ATP6V1H: variants seen among roughly 807,000 people sequenced by gnomAD.
ATP6V1H encodes the protein ATPase H+ transporting V1 subunit H, also known as V-type proton ATPase subunit H.
A neutral mutation model predicts 71.7 loss-of-function variants in ATP6V1H; 39 were observed. The ratio of observed to expected loss-of-function variants is 0.54; its 90% confidence interval spans 0.42 to 0.71. The LOEUF (loss-of-function observed/expected upper bound fraction) is 0.71. Among genes scored for constraint, ATP6V1H ranks in the 30% least tolerant of loss-of-function variants. The pLI, the probability that ATP6V1H is intolerant of heterozygous loss-of-function variation, is 0.00. For missense variants in ATP6V1H, 509 were observed against 594.9 expected (o/e 0.86, Z 1.50); for synonymous variants, 192 against 199.3 (o/e 0.96, Z 0.31).
At chr8:53,811,538 G>GC (rs1181556375) in intron 6 of ATP6V1H, among the ~76,000 whole-genome samples, 2 of 152,166 alleles carry the variant, frequency 1.3e-5, no homozygotes, top group African/African-American at 4.8e-5. Flanking sequence ...TTACTGAATT[G>GC]TTTTTCCAGT....
intron 8 of ATP6V1H, among the ~76,000 whole-genome samples, chr8:53,799,310 T>C (rs2130427801): frequency 6.6e-6 from 1 of 152,244 alleles, no homozygotes; most frequent in Non-Finnish European, 1.5e-5. Flanking sequence ...AATCAAAGAC[T>C]AAAATAATAA....
At chr8:53,738,396 G>A (rs1289952667) in intron 13 of ATP6V1H, among the ~76,000 whole-genome samples, 1 of 152,010 alleles carries the variant, frequency 6.6e-6, no homozygotes, top group African/African-American at 2.4e-5. Context: ...ACCCACAGAA[G>A]GAAGAGAAAG....
chr8:53,807,603 C>T (rs568293584), intron 7 of ATP6V1H, among the ~76,000 whole-genome samples: 74 of 152,220 alleles, frequency 4.9e-4, no homozygotes, highest in African/African-American at 1.8e-3. Flanking sequence ...AGGCAAATCC[C>T]AAGACAGAAA....
At chr8:53,773,821 T>C (rs1284341960) in intron 9 of ATP6V1H, among the ~76,000 whole-genome samples, 3 of 152,040 alleles carry the variant, frequency 2.0e-5, no homozygotes, top group Non-Finnish European at 4.4e-5. Context: ...ACAAAAAACT[T>C]ATAAATTATT....
At chr8:53,833,151 A>C in intron 2 of ATP6V1H, 65 bp from the exon 3 acceptor site, 1 of 1,298,176 alleles carries the variant, frequency 7.7e-7, no homozygotes, top group South Asian at 1.2e-5. Context: ...CGATAGAGGA[A>C]TTTTCAGTCC....
chr8:53,729,357 C>A (rs73682555), intron 13 of ATP6V1H, among the ~76,000 whole-genome samples: 27,001 of 152,064 alleles, frequency 0.18, 4,011 homozygotes, highest in African/African-American at 0.39. Context: ...ACACCCACAC[C>A]CAAGAGGCTA....
intron 13 of ATP6V1H, among the ~76,000 whole-genome samples, chr8:53,727,982 G>A (rs557653876): frequency 1.3e-5 from 2 of 152,236 alleles, no homozygotes; most frequent in African/African-American, 4.8e-5. Context: ...TAAAAAAACT[G>A]GTCTTCTTTC....
At chr8:53,807,261 T>C (rs563123669) in intron 7 of ATP6V1H, among the ~76,000 whole-genome samples, 16 of 152,128 alleles carry the variant, frequency 1.1e-4, no homozygotes, top group African/African-American at 3.6e-4. Context: ...ATATTAGAAC[T>C]GCCAGAGAAA....
intron 4 of ATP6V1H, 110 bp from the exon 5 acceptor site, chr8:53,817,640 T>C (rs1208409213): frequency 3.2e-6 from 2 of 622,840 alleles, no homozygotes; most frequent in Non-Finnish European, 5.5e-6. Flanking sequence ...TTTTTCAGTG[T>C]GTGTGTATGT....
At chr8:53,795,886 A>C (rs755261132) in intron 8 of ATP6V1H, 47 bp from the exon 9 acceptor site, 1 of 1,512,534 alleles carries the variant, frequency 6.6e-7, no homozygotes, top group Non-Finnish European at 9.0e-7. Context: ...AACATTTAGA[A>C]AGAAGAAATA....
Position 53,743,723 on chromosome 8 carries a change from C to A in ATP6V1H, c.1278-33G>T, listed in dbSNP as rs758994291. The A allele has an allele frequency of 1.5e-5, 22 of 1,463,134 alleles. No individual in the cohort carries two copies. The Middle Eastern group carries it at 5.7e-4, about 38-fold the overall frequency. 90.6% of individuals were successfully genotyped at this position (1,463,134 alleles called of 1,614,324 possible). A position where few individuals can be genotyped will look rare whatever the true frequency, so the allele number is the denominator to read the frequency against. Reference sequence around the variant, plus strand: ...CGGGAGAGACGTGGTGAGGAAGATGCAATTACTCTCAAATTCACAGTTTGT... The same window carrying A: ...CGGGAGAGACGTGGTGAGGAAGATGAAATTACTCTCAAATTCACAGTTTGT... On this transcript the variant is annotated intron_variant, in intron 12 of 13. Coordinates refer to ENST00000359530, the MANE Select transcript of ATP6V1H (RefSeq NM_015941.4).
At chr8:53,771,076 T>G (rs980406863) in intron 10 of ATP6V1H, among the ~76,000 whole-genome samples, 1 of 152,214 alleles carries the variant, frequency 6.6e-6, no homozygotes, top group African/African-American at 2.4e-5. Flanking sequence ...GAGCACATAC[T>G]ATGCTGAAGG....
chr8:53,735,975 C>T (rs1807188516), intron 13 of ATP6V1H, among the ~76,000 whole-genome samples: 1 of 152,188 alleles, frequency 6.6e-6, no homozygotes, highest in Non-Finnish European at 1.5e-5. Context: ...GACTGCGCTG[C>T]TGAGGAAACA....
chr8:53,807,318 G>C (rs994010368), intron 7 of ATP6V1H, among the ~76,000 whole-genome samples: 1 of 151,956 alleles, frequency 6.6e-6, no homozygotes, highest in Non-Finnish European at 1.5e-5. Context: ...CTAAGTCCTA[G>C]GCCAAGTGTG....
At chr8:53,821,701 GA>G (rs200003459) in intron 4 of ATP6V1H, among the ~76,000 whole-genome samples, 1 of 149,056 alleles carries the variant, frequency 6.7e-6, no homozygotes, top group East Asian at 2.0e-4. Flanking sequence ...AAAAAAAGAA[GA>G]AAAAAAAATG....
At chr8:53,809,145 G>A (rs920372556) in intron 7 of ATP6V1H, among the ~76,000 whole-genome samples, 4 of 152,066 alleles carry the variant, frequency 2.6e-5, no homozygotes, top group Admixed American at 2.0e-4. Context: ...GTGTGACCTC[G>A]GGCATGTTGG....
At chr8:53,832,274 C>T (rs1811033995) in intron 3 of ATP6V1H, 1 of 151,972 alleles carries the variant, frequency 6.6e-6, no homozygotes, top group Admixed American at 6.6e-5. Context: ...AACAAGTCAC[C>T]TTGAACAGAG....
intron 7 of ATP6V1H, among the ~76,000 whole-genome samples, chr8:53,802,490 G>A (rs552546347): frequency 4.8e-4 from 73 of 152,208 alleles, no homozygotes; most frequent in African/African-American, 1.7e-3. Flanking sequence ...AGGCTGAGGC[G>A]GGGGGATTTC....
chr8:53,827,477 G>T (rs185198464), intron 4 of ATP6V1H, among the ~76,000 whole-genome samples: 163 of 152,046 alleles, frequency 1.1e-3, no homozygotes, highest in African/African-American at 3.8e-3. Context: ...GACTCTTACA[G>T]TATTTCATGA....
Sources: gnomAD v4.1 joint callset for allele counts (sites outside exome capture counted in the v4.1 genomes callset) on GRCh38, gnomAD v4.1.1 for gene constraint, MANE v1.5 for transcripts, NCBI Gene and HGNC (gene_info 2026-07-23, HGNC 2026-07-21) for gene names.